Variants in SNUPN observed in about 807,000 individuals in gnomAD.
SNUPN encodes snurportin 1.
A neutral mutation model predicts 39.2 loss-of-function variants in SNUPN; 31 were observed. That is an observed-to-expected ratio of 0.79 (90% CI 0.59 to 1.07). The LOEUF is 1.07. SNUPN is among the 50% of genes least tolerant of loss of function. SNUPN has a pLI of 0.00. For synonymous variants in SNUPN, 132 were observed against 159.0 expected (o/e 0.83, Z 1.28); for missense variants, 382 against 434.2 (o/e 0.88, Z 1.07).
At chr15:75,615,961 C>A (rs1892921486) in intron 3 of SNUPN, among the ~76,000 whole-genome samples, 2 of 152,044 alleles carry the variant, frequency 1.3e-5, no homozygotes, top group South Asian at 4.1e-4. Context: ...TCTAGGAGCA[C>A]AGGGGCTATT....
Position 75,609,967 on chromosome 15 carries a change from C to T in SNUPN, c.331G>A (p.Val111Ile), listed in dbSNP as rs140270113. The T allele has an allele frequency of 1.2e-5, 20 of 1,613,992 alleles. No individual in the cohort carries two copies. In the African/African-American group the frequency reaches 2.0e-4, roughly 16 times the overall value. ...QLMLSEWLIDVPSDLGQEWIV... is the reference protein window; with the variant it reads ...QLMLSEWLIDIPSDLGQEWIV... Reference sequence around the variant, plus strand: ...CATTCCTGCCCCAAATCTGAAGGAACGTCAATTAACCACTCAGAAAGCATC... The same window carrying T: ...CATTCCTGCCCCAAATCTGAAGGAATGTCAATTAACCACTCAGAAAGCATC... The change falls in exon 4 of 9, where the codon GTT becomes ATT. Residue 111 changes from valine (V) to isoleucine (I), a missense_variant. Coordinates refer to ENST00000308588, the MANE Select transcript of SNUPN (RefSeq NM_005701.4).
intron 6 of SNUPN, 76 bp from the exon 7 acceptor site, chr15:75,605,303 CTATT>C: frequency 1.1e-6 from 1 of 888,806 alleles, no homozygotes. Flanking sequence ...ACACCCCATG[CTATT>C]TTTTTTTTTT....
At position 75,607,185 on chromosome 15, in the gene SNUPN, G is replaced by C. The variant is rs746889352; in HGVS notation, c.600+31C>G. The C allele has an allele frequency of 2.0e-6, 3 of 1,508,774 alleles. No homozygotes were observed. The South Asian group carries it at 3.4e-5, about 17-fold the overall frequency. The allele number at this position is 1,508,774 out of a possible 1,614,324, so 93.5% of individuals were successfully genotyped here. A position where few individuals can be genotyped will look rare whatever the true frequency, so the allele number is the denominator to read the frequency against. On this transcript the variant is annotated intron_variant, in intron 6 of 8. Coordinates refer to ENST00000308588, the MANE Select transcript of SNUPN (RefSeq NM_005701.4). ...TTCCCAGGAGGAGAGGAGAAGACAG[G>C]AAGAGCCACGAGAGGAGGATCCATC...
intron 1 of SNUPN, among the ~76,000 whole-genome samples, chr15:75,621,552 G>A (rs1158184573): frequency 6.6e-6 from 1 of 152,082 alleles, no homozygotes; most frequent in Non-Finnish European, 1.5e-5. Context: ...GTGAGCCACT[G>A]CGCCCGGCCT....
At position 75,609,258 on chromosome 15, in the gene SNUPN, C is replaced by T. The variant is rs572445135; in HGVS notation, c.502+300G>A. Among the ~76,000 whole-genome samples, 17 of 133,190 alleles carry T rather than the reference C, an allele frequency of 1.3e-4. No individual in the cohort carries two copies. In the South Asian group the frequency reaches 1.6e-3, roughly 12 times the overall value. The allele number at this position is 133,190 out of a possible 152,430, so 87.4% of individuals were successfully genotyped here. A position where few individuals can be genotyped will look rare whatever the true frequency, so the allele number is the denominator to read the frequency against. On this transcript the variant is annotated intron_variant, in intron 5 of 8. Transcript: ENST00000308588. ...ACTGCGGACTGCAGTGGTGCAATCTCGGCTCACTGCAAGCTCCGCTTCCTG... is the reference window on the plus strand; with the variant it reads ...ACTGCGGACTGCAGTGGTGCAATCTTGGCTCACTGCAAGCTCCGCTTCCTG...
intron 3 of SNUPN, among the ~76,000 whole-genome samples, chr15:75,616,149 T>C (rs1464633881): frequency 6.6e-6 from 1 of 151,338 alleles, no homozygotes; most frequent in Non-Finnish European, 1.5e-5. Flanking sequence ...CTATTGTGTT[T>C]TTTTTTTTCT....
chr15:75,619,848 A>T (rs1009041494), intron 2 of SNUPN, among the ~76,000 whole-genome samples: 4 of 152,060 alleles, frequency 2.6e-5, no homozygotes, highest in African/African-American at 9.7e-5. Context: ...TCCCGGGTTC[A>T]AGTGATTCTC....
intron 8 of SNUPN, chr15:75,600,728 GTCAT>G (rs1445536373): frequency 1.9e-5 from 4 of 205,310 alleles, no homozygotes; most frequent in Non-Finnish European, 4.0e-5. Flanking sequence ...ATTTGTTGGA[GTCAT>G]TCAGTCACAG....
At chr15:75,603,660 CA>C (rs775817247) in intron 7 of SNUPN, among the ~76,000 whole-genome samples, 2,244 of 44,174 alleles carry the variant, frequency 0.051, 9 homozygotes, top group Non-Finnish European at 0.07. Flanking sequence ...GACTCTGTCT[CA>C]AAAAAAAAAA....
chr15:75,626,292 G>C (rs1470267171), upstream of SNUPN: 1 of 152,238 alleles, frequency 6.6e-6, no homozygotes, highest in East Asian at 1.9e-4. Flanking sequence ...CTCGGCTGCG[G>C]GCTGAGCAAT....
chr15:75,610,895 C>T (rs1017641499), intron 3 of SNUPN, among the ~76,000 whole-genome samples: 8 of 152,274 alleles, frequency 5.3e-5, no homozygotes, highest in South Asian at 4.1e-4. Context: ...ATGGGCTGGG[C>T]GAGGTGGCTC....
At chr15:75,609,047 C>G (rs1465477149) in intron 5 of SNUPN, among the ~76,000 whole-genome samples, 2 of 151,188 alleles carry the variant, frequency 1.3e-5, no homozygotes, top group Non-Finnish European at 2.9e-5. Flanking sequence ...AGGAGAATCA[C>G]TTGAACCCAG....
chr15:75,613,460 C>T (rs775727142), intron 3 of SNUPN, among the ~76,000 whole-genome samples: 10 of 150,810 alleles, frequency 6.6e-5, no homozygotes, highest in Middle Eastern at 3.4e-3. Flanking sequence ...CTGGTCAATA[C>T]GCTGAAACCC....
intron 6 of SNUPN, 62 bp from the exon 7 acceptor site, chr15:75,605,289 A>C: frequency 1.7e-6 from 2 of 1,185,044 alleles, no homozygotes; most frequent in Non-Finnish European, 2.5e-6. Context: ...TAATATAAAC[A>C]AAAACACCCC....
At chr15:75,601,843 C>T (rs374442321) in intron 7 of SNUPN, among the ~76,000 whole-genome samples, 1 of 152,140 alleles carries the variant, frequency 6.6e-6, no homozygotes, top group Non-Finnish European at 1.5e-5. Context: ...CCTCTACTTA[C>T]TCTCTTAACT....
intron 7 of SNUPN, among the ~76,000 whole-genome samples, chr15:75,602,239 T>C (rs1361846821): frequency 6.6e-6 from 1 of 151,622 alleles, no homozygotes; most frequent in Non-Finnish European, 1.5e-5. Flanking sequence ...AATAAATTAC[T>C]GATGCTGGCC....
chr15:75,622,509 G>C (rs536093764), intron 1 of SNUPN: 2 of 984,068 alleles, frequency 2.0e-6, no homozygotes, highest in African/African-American at 3.5e-5. Flanking sequence ...TGGGAGTGGG[G>C]AGAAAGGTGA....
In SNUPN at chr15:75,605,173, C is replaced by G. The variant is rs773056465; in HGVS notation, c.655G>C (p.Gly219Arg). The G allele has an allele frequency of 5.0e-6, 8 of 1,613,380 alleles. No individual in the cohort carries two copies. Among genetic ancestry groups the G allele is most frequent in the Non-Finnish European group, 5.9e-6 (7 of 1,179,454 alleles). ...HSKLPEEEGL[G>R]EKTKLNPFKF... is the part of the protein sequence containing the mutation. ...ACAGGATTAAGCTTGGTTTTCTCTC[C>G]CAGTCCTTCTTCTTCTGGTAACTTT... The change falls in exon 7 of 9, where the codon GGA (glycine) becomes CGA (arginine). Residue 219 changes from glycine (G) to arginine (R), a missense_variant. Physicochemically the swap from Gly to Arg is moderately radical, Grantham distance 125 (BLOSUM62 -2). Coordinates refer to ENST00000308588, the MANE Select transcript of SNUPN (RefSeq NM_005701.4).
At chr15:75,614,485 G>T (rs75425964) in intron 3 of SNUPN, among the ~76,000 whole-genome samples, 1 of 152,010 alleles carries the variant, frequency 6.6e-6, no homozygotes, top group Middle Eastern at 3.4e-3. Flanking sequence ...TATGATGAAC[G>T]TTGGAAACCT....
Sources: gnomAD v4.1 joint callset for allele counts (sites outside exome capture counted in the v4.1 genomes callset) on GRCh38, gnomAD v4.1.1 for gene constraint, MANE v1.5 for transcripts, NCBI Gene and HGNC (gene_info 2026-07-23, HGNC 2026-07-21) for gene names.